DNAAF4: variants seen among roughly 807,000 people sequenced by gnomAD.
The protein encoded by DNAAF4 is dynein axonemal assembly factor 4.
Under a neutral mutation model 51.8 loss-of-function variants are expected in DNAAF4, and 43 were observed. The observed-to-expected ratio is 0.83, with a 90% CI of 0.65 to 1.07. The LOEUF is 1.07. Among genes scored for constraint, DNAAF4 ranks in the 50% least tolerant of loss-of-function variants. DNAAF4 has a pLI of 0.00. For missense variants in DNAAF4, 581 were observed against 493.0 expected (o/e 1.18, Z -1.69); for synonymous variants, 194 against 165.6 (o/e 1.17, Z -1.32).
At chr15:55,485,085 G>A (rs1407047732) in intron 4 of DNAAF4, among the ~76,000 whole-genome samples, 1 of 152,158 alleles carries the variant, frequency 6.6e-6, no homozygotes, top group Admixed American at 6.6e-5. Context: ...ACTAGCCAAA[G>A]GGTGGAAGCA....
At position 55,464,675 on chromosome 15, in the gene DNAAF4, T is replaced by C. The variant is rs148454921; in HGVS notation, c.637+2255A>G. On this transcript the variant is annotated intron_variant, in intron 5 of 9. Coordinates refer to ENST00000321149, the MANE Select transcript of DNAAF4 (RefSeq NM_130810.4). ...AATAGACAATTCTCAAAAGAAGATATACAAATGTCCCGCCAGGTGTGGTGG... is the reference window on the plus strand; with the variant it reads ...AATAGACAATTCTCAAAAGAAGATACACAAATGTCCCGCCAGGTGTGGTGG... 2.7e-3 allele frequency among the ~76,000 whole-genome samples: 407 copies of C among 152,238 alleles called. 1 individual carries two copies. The highest frequency in any genetic ancestry group is 4.0e-3 in the Non-Finnish European group (275 of 68,004).
chr15:55,417,790 T>A, exon 8 of DNAAF4: 1 of 213,690 alleles, frequency 4.7e-6, no homozygotes, highest in Non-Finnish European at 9.4e-6. Context: ...ATCACCTGGG[T>A]GGAGGCGGGC....
At chr15:55,464,978 A>G (rs139974051) in intron 5 of DNAAF4, among the ~76,000 whole-genome samples, 1 of 152,282 alleles carries the variant, frequency 6.6e-6, no homozygotes, top group Non-Finnish European at 1.5e-5. Context: ...CAAACAAACA[A>G]ATGTCCAACA....
At chr15:55,472,135 C>T (rs2058264527) in intron 4 of DNAAF4, among the ~76,000 whole-genome samples, 1 of 152,154 alleles carries the variant, frequency 6.6e-6, no homozygotes, top group Non-Finnish European at 1.5e-5. Flanking sequence ...CCACCGTGCC[C>T]AGCTCTTAAA....
Position 55,498,495 on chromosome 15 carries a change from C to T in DNAAF4, c.-166G>A. On this transcript the variant is annotated 5_prime_UTR_variant, in exon 2 of 10. Transcript: ENST00000321149. ...AGCACCTCGCGGACTCCATGCGTGACTATCCAGGCGCCCAGACCAGAGAGT... is the reference window on the plus strand; with the variant it reads ...AGCACCTCGCGGACTCCATGCGTGATTATCCAGGCGCCCAGACCAGAGAGT... The T allele has an allele frequency of 2.2e-6, 2 of 929,672 alleles. No individual in the cohort carries two copies. Among genetic ancestry groups the T allele is most frequent in the Non-Finnish European group, 3.1e-6 (2 of 654,726 alleles). 57.6% of individuals were successfully genotyped at this position (929,672 alleles called of 1,614,324 possible).
intron 8 of DNAAF4, among the ~76,000 whole-genome samples, chr15:55,433,892 AT>A (rs558335015): frequency 0.12 from 2,576 of 20,738 alleles, 70 homozygotes; most frequent in African/African-American, 0.15. Context: ...TATTATATAT[AT>A]ATTATATATA....
At position 55,420,003 on chromosome 15, in the gene DNAAF4, C is replaced by CA. The variant is rs201236823; in HGVS notation, c.1048-1871dup. On this transcript the variant is annotated intron_variant, in intron 7 of 7. Coordinates refer to the DNAAF4 transcript ENST00000448430. The stretch of plus-strand genomic sequence containing the variant: ...GGGCAACAAGAGCAAAACTCTGTCT[C>CA]AAAAAAAAAGAATAAAAAAAAGTAT... Among the ~76,000 whole-genome samples, 1,303 of 148,368 alleles carry CA rather than the reference C, an allele frequency of 8.8e-3. 19 individuals carry two copies. The highest frequency in any genetic ancestry group is 0.03 in the African/African-American group (1,222 of 40,316).
intron 6 of DNAAF4, among the ~76,000 whole-genome samples, chr15:55,447,221 AGCCGGGCAGAGGC>A (rs2057845624): frequency 8.5e-6 from 1 of 117,352 alleles, no homozygotes; most frequent in African/African-American, 3.3e-5. Flanking sequence ...CAGACGGGGC[AGCCGGGCAGAGGC>A]GCTCCCCACT....
In DNAAF4 at chr15:55,432,580, G is replaced by A; in HGVS notation, c.1070C>T (p.Pro357Leu). 3.1e-6 allele frequency: 5 copies of A among 1,611,434 alleles called. No individual in the cohort carries two copies. The highest frequency in any genetic ancestry group is 4.2e-6 in the Non-Finnish European group (5 of 1,178,340). ...TCTTGCATTAGCATTGTCTGTAACA[G>A]GTGGCATCAATAATTCCAGTGCCTT... The part of the protein sequence containing the change: ...SSKALELLMP[P>L]VTDNANARMK... Residue 357 changes from proline to leucine, a missense_variant, in exon 9 of 10, where the codon CCT becomes CTT. Transcript: ENST00000321149.
intron 6 of DNAAF4, among the ~76,000 whole-genome samples, chr15:55,447,877 G>GGAGAGGGCAGAGGT: frequency 1.0e-5 from 1 of 95,662 alleles, no homozygotes; most frequent in East Asian, 3.5e-4. Flanking sequence ...AGGGGAGAGG[G>GGAGAGGGCAGAGGT]GAGAGGGGAG....
intron 7 of DNAAF4, chr15:55,418,441 T>C: frequency 6.6e-7 from 1 of 1,523,440 alleles, no homozygotes; most frequent in Non-Finnish European, 8.8e-7. Flanking sequence ...TCCCCTGCAA[T>C]TATACTCCAA....
chr15:55,474,176 C>T (rs1279215957), intron 4 of DNAAF4, among the ~76,000 whole-genome samples: 1 of 152,010 alleles, frequency 6.6e-6, no homozygotes, highest in East Asian at 1.9e-4. Flanking sequence ...AATAATAGTA[C>T]ACTACTTAAA....
At chr15:55,419,516 G>C (rs567956378) in intron 7 of DNAAF4, among the ~76,000 whole-genome samples, 50 of 152,156 alleles carry the variant, frequency 3.3e-4, no homozygotes, top group Non-Finnish European at 5.7e-4. Flanking sequence ...GGGATTACAG[G>C]AGTGAGCCAC....
At chr15:55,428,463 C>T (rs1306821734), downstream of DNAAF4, among the ~76,000 whole-genome samples, 4 of 143,064 alleles carry the variant, frequency 2.8e-5, no homozygotes, top group Non-Finnish European at 6.1e-5. Context: ...TAAGTTAAAT[C>T]TCTCTCACTG....
intron 6 of DNAAF4, chr15:55,443,142 G>T: frequency 6.2e-7 from 1 of 1,610,650 alleles, no homozygotes; most frequent in South Asian, 1.1e-5. Context: ...GTTTCCAGGA[G>T]CCGTCTTCAC....
chr15:55,473,199 ATAT>A lies in DNAAF4; in HGVS notation c.406-6041_406-6039del, dbSNP rs1195359232. Among the ~76,000 whole-genome samples, 187 of 20,860 alleles carry A rather than the reference ATAT, an allele frequency of 9.0e-3. 25 individuals carry two copies. Among genetic ancestry groups the A allele is most frequent in the South Asian group, 0.017 (8 of 468 alleles). 13.7% of individuals were successfully genotyped at this position (20,860 alleles called of 152,430 possible). On this transcript the variant is annotated intron_variant, in intron 4 of 9. Coordinates refer to ENST00000321149, the MANE Select transcript of DNAAF4 (RefSeq NM_130810.4). ...CAAAAAAAAAACCTAAAAAAAAAAA[ATAT>A]ATATATATATATATATATATGTGTG...
intron 4 of DNAAF4, among the ~76,000 whole-genome samples, chr15:55,476,446 T>C (rs1212061083): frequency 6.6e-6 from 1 of 152,142 alleles, no homozygotes; most frequent in East Asian, 1.9e-4. Flanking sequence ...GAGTGAGACC[T>C]TATCTCTTAA....
At chr15:55,439,222 T>C (rs529901865) in intron 7 of DNAAF4, among the ~76,000 whole-genome samples, 1 of 152,318 alleles carries the variant, frequency 6.6e-6, no homozygotes, top group East Asian at 1.9e-4. Context: ...CGCCGCAGCC[T>C]TCTGAGTAGC....
rs185788927 is a variant in DNAAF4 at position 55,449,624 on chromosome 15, C to G, written c.783+598G>C. ...GGTTGCAGTGAACTGAGATTGTGCC[C>G]ACTGCACTCCAGCCTGGGCAACAAG... On this transcript the variant is annotated intron_variant, in intron 6 of 9. Transcript: ENST00000321149. Among the ~76,000 whole-genome samples, 207 of 150,476 alleles carry G rather than the reference C, an allele frequency of 1.4e-3. 1 individual carries two copies. Among genetic ancestry groups the G allele is most frequent in the African/African-American group, 4.8e-3 (196 of 41,016 alleles).
Sources: allele counts gnomAD v4.1 joint callset (sites outside exome capture counted in the v4.1 genomes callset), GRCh38; gene constraint gnomAD v4.1.1; transcripts MANE v1.5; gene names NCBI Gene and HGNC (gene_info 2026-07-23, HGNC 2026-07-21).